HSF2BP: variants seen among roughly 807,000 people sequenced by gnomAD.
HSF2BP encodes the protein heat shock factor 2-binding protein.
Under a neutral mutation model 35.0 loss-of-function variants are expected in HSF2BP, and 35 were observed. The ratio of observed to expected loss-of-function variants is 1.00; its 90% CI spans 0.76 to 1.32. HSF2BP has a LOEUF of 1.32. Among genes scored for constraint, HSF2BP ranks in the 40% most tolerant of loss-of-function variants. HSF2BP has a pLI of 0.00. For missense variants in HSF2BP, 326 were observed against 321.7 expected, an observed-to-expected ratio of 1.01 and a Z score of -0.10; for synonymous variants, 114 against 117.4, an observed-to-expected ratio of 0.97 and a Z score of 0.18.
Position 43,658,326 on chromosome 21 carries a change from A to T in HSF2BP, c.-224-6T>A. The T allele has an allele frequency of 1.8e-6, 1 of 548,260 alleles. No homozygotes were observed. The highest frequency in any genetic ancestry group is 2.0e-5 in the African/African-American group (1 of 50,078). 34.0% of individuals were successfully genotyped at this position (548,260 alleles called of 1,614,324 possible). On this transcript the variant is annotated splice_polypyrimidine_tract_variant and splice_region_variant and intron_variant, in intron 1 of 8. Transcript: ENST00000291560. ...CGGGGTTTTAAACTTGTTATCTGCA[A>T]AGCAGAAGGAAAGTCAGCCCCTGAT...
intron 4 of HSF2BP, 107 bp from the exon 5 acceptor site, chr21:43,633,528 AT>A (rs1313088114): frequency 9.9e-7 from 1 of 1,010,314 alleles, no homozygotes; most frequent in East Asian, 2.8e-5. Context: ...TGCATGTATA[AT>A]TATAGAAAAT....
intron 8 of HSF2BP, among the ~76,000 whole-genome samples, chr21:43,585,152 G>A: frequency 6.6e-6 from 1 of 151,820 alleles, no homozygotes; most frequent in Non-Finnish European, 1.5e-5. Context: ...ACAAAAAAAT[G>A]TTGTAAAAAC....
chr21:43,589,932 C>T (rs1459318026), intron 8 of HSF2BP, among the ~76,000 whole-genome samples: 2 of 152,186 alleles, frequency 1.3e-5, no homozygotes. Context: ...TATAAAACTA[C>T]TAGGAGAAAA....
At chr21:43,649,659 C>T (rs546160100) in intron 3 of HSF2BP, among the ~76,000 whole-genome samples, 3 of 152,244 alleles carry the variant, frequency 2.0e-5, no homozygotes, top group African/African-American at 4.8e-5. Context: ...AAAAATAATT[C>T]CAGCTCCTCT....
At chr21:43,619,006 A>C (rs1305736997) in intron 6 of HSF2BP, among the ~76,000 whole-genome samples, 1 of 151,924 alleles carries the variant, frequency 6.6e-6, no homozygotes, top group Non-Finnish European at 1.5e-5. Context: ...ATTTTTTTGA[A>C]TCTTACGCTG....
chr21:43,637,668 A>G (rs1184215890), intron 4 of HSF2BP, among the ~76,000 whole-genome samples: 1 of 151,648 alleles, frequency 6.6e-6, no homozygotes, highest in African/African-American at 2.4e-5. Context: ...AAAAAAAATT[A>G]GCTGTATGGT....
intron 8 of HSF2BP, among the ~76,000 whole-genome samples, chr21:43,582,010 T>A: frequency 1.0e-5 from 1 of 99,878 alleles, no homozygotes; most frequent in Non-Finnish European, 2.0e-5. Context: ...GATGAGTGCC[T>A]GCTGTGGGGG....
At chr21:43,623,460 C>T (rs900027726) in intron 6 of HSF2BP, among the ~76,000 whole-genome samples, 1 of 152,032 alleles carries the variant, frequency 6.6e-6, no homozygotes, top group African/African-American at 2.4e-5. Context: ...AAAGATCAGA[C>T]CATAAATACA....
At chr21:43,587,416 A>G (rs1287009715) in intron 8 of HSF2BP, among the ~76,000 whole-genome samples, 1 of 152,082 alleles carries the variant, frequency 6.6e-6, no homozygotes, top group African/African-American at 2.4e-5. Flanking sequence ...CTATAATCCC[A>G]GCACTTTGGG....
At chr21:43,647,253 T>TC (rs147494467) in intron 3 of HSF2BP, among the ~76,000 whole-genome samples, 6,562 of 152,038 alleles carry the variant, frequency 0.043, 248 homozygotes, top group East Asian at 0.09. Context: ...ATTTTTTTTT[T>TC]CCCCGAGACG....
chr21:43,587,939 G>A (rs1025946215), intron 8 of HSF2BP, among the ~76,000 whole-genome samples: 2 of 152,190 alleles, frequency 1.3e-5, no homozygotes, highest in African/African-American at 4.8e-5. Context: ...GGGCCATAGA[G>A]AACATTTAGG....
intron 2 of HSF2BP, among the ~76,000 whole-genome samples, chr21:43,657,355 G>A (rs960541806): frequency 2.6e-5 from 4 of 152,158 alleles, no homozygotes; most frequent in Admixed American, 6.6e-5. Context: ...GCAAGACCAC[G>A]AAAAAGAAAA....
intron 8 of HSF2BP, among the ~76,000 whole-genome samples, chr21:43,580,379 G>C (rs912980623): frequency 6.6e-6 from 1 of 152,152 alleles, no homozygotes; most frequent in African/African-American, 2.4e-5. Flanking sequence ...ACATATGCAG[G>C]CCAAATGTTT....
intron 4 of HSF2BP, 80 bp downstream of exon 4, chr21:43,644,209 C>G: frequency 1.0e-6 from 1 of 972,900 alleles, no homozygotes. Context: ...AAAATTCAGT[C>G]CCACTGCTTA....
At chr21:43,591,845 G>T (rs1451487885) in intron 8 of HSF2BP, among the ~76,000 whole-genome samples, 1 of 152,164 alleles carries the variant, frequency 6.6e-6, no homozygotes, top group Admixed American at 6.5e-5. Flanking sequence ...TCATCCCTTT[G>T]TCCAGCATAT....
chr21:43,619,965 A>AT (rs1291461665), intron 6 of HSF2BP, among the ~76,000 whole-genome samples: 2 of 152,160 alleles, frequency 1.3e-5, no homozygotes, highest in Admixed American at 6.5e-5. Flanking sequence ...GACCTCCCCC[A>AT]TTCGGGATGG....
intron 3 of HSF2BP, among the ~76,000 whole-genome samples, chr21:43,645,625 C>G (rs545777173): frequency 6.6e-6 from 1 of 152,322 alleles, no homozygotes; most frequent in East Asian, 1.9e-4. Context: ...CAAGGCAACT[C>G]TGGTTATCTG....
chr21:43,644,788 G>A (rs189040334), intron 3 of HSF2BP, among the ~76,000 whole-genome samples: 125 of 152,290 alleles, frequency 8.2e-4, no homozygotes, highest in Middle Eastern at 6.8e-3. Flanking sequence ...AGTGCACGGC[G>A]CCAGCACAGG....
intron 7 of HSF2BP, among the ~76,000 whole-genome samples, chr21:43,599,194 T>G (rs2082022620): frequency 6.6e-6 from 1 of 152,196 alleles, no homozygotes; most frequent in African/African-American, 2.4e-5. Context: ...GTCTTTAAAT[T>G]TTCATATTTG....
Sources: allele counts gnomAD v4.1 joint callset (sites outside exome capture counted in the v4.1 genomes callset), GRCh38; gene constraint gnomAD v4.1.1; transcripts MANE v1.5; gene names NCBI Gene and HGNC (gene_info 2026-07-23, HGNC 2026-07-21).